VWCE: variants seen among roughly 807,000 people sequenced by gnomAD.
VWCE encodes the protein von Willebrand factor C and EGF domain-containing protein.
A neutral mutation model predicts 102.9 loss-of-function variants in VWCE; 68 were observed. That is an observed-to-expected ratio of 0.66 (90% CI 0.54 to 0.81). The LOEUF (loss-of-function observed/expected upper bound fraction) is 0.81, where lower values mean the gene tolerates loss of function less well. Ranked by LOEUF, VWCE falls within the 30% of genes least tolerant of loss-of-function variation. The pLI, the probability that VWCE is intolerant of heterozygous loss-of-function variation, is 0.00. For missense variants in VWCE, 1,137 were observed against 1,263.6 expected (o/e 0.90, Z 1.52); for synonymous variants, 497 against 515.4 (o/e 0.96, Z 0.48).
rs1205859312 is a variant in VWCE at position 61,278,495 on chromosome 11, A to C, written c.1325-19T>G. On this transcript the variant is annotated intron_variant, in intron 9 of 19. Coordinates refer to ENST00000335613, the MANE Select transcript of VWCE (RefSeq NM_152718.2). ...AAACAGCCTTTGAAGGACAAATAGG[A>C]GGTAGAGGCATCAGACCTCTTCAAA... is the stretch of plus-strand genomic sequence containing the variant. 1 of 1,612,792 alleles carries C rather than the reference A, an allele frequency of 6.2e-7. No homozygotes were observed. Among genetic ancestry groups the C allele is most frequent in the African/African-American group, 1.3e-5 (1 of 74,880 alleles).
At chr11:61,287,111 A>G (rs1855359859) in intron 4 of VWCE, among the ~76,000 whole-genome samples, 1 of 152,106 alleles carries the variant, frequency 6.6e-6, no homozygotes, top group Admixed American at 6.5e-5. Flanking sequence ...AAGAAAAAAA[A>G]AGAAAAGAAA....
chr11:61,281,841 G>A lies in VWCE; in HGVS notation c.732C>T (p.Phe244=), dbSNP rs772369865. 1.2e-6 allele frequency: 2 copies of A among 1,613,978 alleles called. No homozygotes were observed. The highest frequency in any genetic ancestry group is 1.7e-5 in the Admixed American group (1 of 60,020). The change falls in exon 7 of 20, where the codon TTC becomes TTT. Residue 244 remains phenylalanine (F), a synonymous_variant. Transcript: ENST00000335613. ...HHSCHNTVGS[F]LCTCRPGFRL... ...TGAAGCCAGGTCGGCATGTGCATAG[G>A]AAGCTGCCCACGGTGTTGTGGCAGG...
intron 4 of VWCE, among the ~76,000 whole-genome samples, chr11:61,289,902 A>G (rs1565231449): frequency 6.6e-6 from 1 of 152,224 alleles, no homozygotes; most frequent in South Asian, 2.1e-4. Flanking sequence ...TAAAACTCCA[A>G]AAAGGCTTTT....
chr11:61,281,785 C>G lies in VWCE; in HGVS notation c.787+1G>C. 6.2e-7 allele frequency: 1 copy of G among 1,610,916 alleles called. No homozygotes were observed. The highest frequency in any genetic ancestry group is 8.5e-7 in the Non-Finnish European group (1 of 1,178,170). On this transcript the variant is annotated splice_donor_variant, in intron 7 of 19. Coordinates refer to ENST00000335613, the MANE Select transcript of VWCE (RefSeq NM_152718.2). LOFTEE classifies it high-confidence loss of function. ...CCGGGATGGAGGGGCCTGGCGCTCA[C>G]CTTCACAGGACACGCGGTCAGCTCG...
chr11:61,264,781 T>C (rs1489326537), intron 18 of VWCE, among the ~76,000 whole-genome samples, 175 bp downstream of exon 18: 1 of 152,232 alleles, frequency 6.6e-6, no homozygotes, highest in South Asian at 2.1e-4. Context: ...CCCTCTGGAC[T>C]TCCACAGAGG....
Position 61,258,865 on chromosome 11 carries a change from G to T in VWCE, c.2678C>A (p.Thr893Asn), listed in dbSNP as rs770974269. The change falls in exon 20 of 20, where the codon ACC becomes AAC. Residue 893 changes from threonine to asparagine, a missense_variant. By Grantham distance (65) the Thr-to-Asn change is moderately conservative. This residue lies in a region of VWCE where 316 missense variants were observed against 319.3 expected (regional missense o/e 0.99). Transcript: ENST00000335613. The part of the protein sequence containing the change: ...IVSRWPPLPG[T>N]LLTEASALSM... ...AAGTGCTGAAGCTTCCGTCAGGAGGGTGCCAGGCAGAGGAGGCCACCTGGA... is the reference window on the plus strand; with the variant it reads ...AAGTGCTGAAGCTTCCGTCAGGAGGTTGCCAGGCAGAGGAGGCCACCTGGA... The T allele has an allele frequency of 1.0e-4, 158 of 1,518,544 alleles. No individual in the cohort carries two copies. Among genetic ancestry groups the T allele is most frequent in the Non-Finnish European group, 1.4e-4 (154 of 1,135,370 alleles). 94.1% of individuals were successfully genotyped at this position (1,518,544 alleles called of 1,614,324 possible). A position where few individuals can be genotyped will look rare whatever the true frequency, so the allele number is the denominator to read the frequency against.
intron 5 of VWCE, among the ~76,000 whole-genome samples, chr11:61,285,238 C>T (rs1855278358): frequency 6.6e-6 from 1 of 152,026 alleles, no homozygotes; most frequent in East Asian, 1.9e-4. Flanking sequence ...GGGCTAGCAC[C>T]ATGGCTTTTA....
rs767960746 is a variant in VWCE at position 61,286,430 on chromosome 11, T to C, written c.425A>G (p.Asp142Gly). The C allele has an allele frequency of 1.2e-5, 20 of 1,611,230 alleles. 1 individual carries two copies. Among genetic ancestry groups the C allele is most frequent in the East Asian group, 8.9e-5 (4 of 44,890 alleles). The change falls in exon 5 of 20, where the codon GAC becomes GGC. Residue 142 changes from aspartate (D) to glycine (G), a missense_variant and splice_region_variant. Physicochemically the swap from Asp to Gly is moderately conservative, Grantham distance 94. Around this residue, in one of 5 missense-constraint regions of VWCE, gnomAD observed 575 missense variants for 625.9 expected, o/e 0.92. Coordinates refer to ENST00000335613, the MANE Select transcript of VWCE (RefSeq NM_152718.2). ...GGAGGAGGTTACACATTCGTCAATG[T>C]CTGGAAAGACAGAAAGCACGTGTTT... The part of the protein sequence containing the change: ...TETAVGIRCT[D>G]IDECVTSSCE...
chr11:61,278,341 C>G, intron 10 of VWCE, 53 bp downstream of exon 10: 1 of 1,594,192 alleles, frequency 6.3e-7, no homozygotes, highest in Non-Finnish European at 8.6e-7. Context: ...CCTCTAAAAC[C>G]CCCAAAGGTT....
At position 61,276,689 on chromosome 11, in the gene VWCE, G is replaced by A. The variant is rs1854926166; in HGVS notation, c.1408-9C>T. The A allele has an allele frequency of 1.3e-6, 2 of 1,591,940 alleles. No individual in the cohort carries two copies. The highest frequency in any genetic ancestry group is 1.7e-6 in the Non-Finnish European group (2 of 1,169,698). On this transcript the variant is annotated splice_polypyrimidine_tract_variant and intron_variant, in intron 10 of 19. Transcript: ENST00000335613. ...CAGGACACGTTTCCAGCCTGAGGAGGAGGCAAGAGAGGGCACTGGGGGTGC... is the reference window on the plus strand; with the variant it reads ...CAGGACACGTTTCCAGCCTGAGGAGAAGGCAAGAGAGGGCACTGGGGGTGC...
Position 61,273,053 on chromosome 11 carries a change from AACT to A in VWCE, c.1699+143_1699+145del, listed in dbSNP as rs1565221575. The A allele has an allele frequency of 2.3e-5, 18 of 771,770 alleles. No individual in the cohort carries two copies. The African/African-American group carries it at 2.4e-4, about 10-fold the overall frequency. 47.8% of individuals were successfully genotyped at this position (771,770 alleles called of 1,614,324 possible). ...TACACACTCAGACACACTACACAAAAACTCACACTCATACACACGCACACAAAG... is the reference window on the plus strand; with the variant it reads ...TACACACTCAGACACACTACACAAAACACACTCATACACACGCACACAAAG... On this transcript the variant is annotated intron_variant, in intron 13 of 19. Coordinates refer to ENST00000335613, the MANE Select transcript of VWCE (RefSeq NM_152718.2).
Position 61,291,481 on chromosome 11 carries a change from C to A in VWCE, c.205+1G>T, listed in dbSNP as rs1283542159. ...CTTGGGGCACAGGGACAAGCACTTA[C>A]GCAGGGTGCAGTGCCCACCACCCAT... On this transcript the variant is annotated splice_donor_variant, in intron 2 of 19. Transcript: ENST00000335613. LOFTEE classifies it high-confidence loss of function. The A allele has an allele frequency of 1.3e-6, 2 of 1,555,812 alleles. No homozygotes were observed. Among genetic ancestry groups the A allele is most frequent in the African/African-American group, 1.4e-5 (1 of 73,498 alleles).
chr11:61,278,413 C>T lies in VWCE; in HGVS notation c.1388G>A (p.Cys463Tyr). 1.9e-6 allele frequency: 3 copies of T among 1,614,126 alleles called. No individual in the cohort carries two copies. Among genetic ancestry groups the T allele is most frequent in the Non-Finnish European group, 2.5e-6 (3 of 1,180,030 alleles). The change falls in exon 10 of 20, where the codon TGC becomes TAC. Residue 463 changes from cysteine (C) to tyrosine (Y), a missense_variant. This residue lies in a region of VWCE where 575 missense variants were observed against 625.9 expected (regional missense o/e 0.92). Transcript: ENST00000335613. Reference protein sequence around the residue: ...GDVFSPPNENCTVCVCLAGNV... With the variant: ...GDVFSPPNENYTVCVCLAGNV... ...GCTTACCAGACAGACACAGACGGTGCAGTTCTCATTGGGAGGTGAAAACAC... is the reference window on the plus strand; with the variant it reads ...GCTTACCAGACAGACACAGACGGTGTAGTTCTCATTGGGAGGTGAAAACAC...
chr11:61,268,993 C>T lies in VWCE; in HGVS notation c.1811G>A (p.Arg604Lys), dbSNP rs2134754427. Reference sequence around the variant, plus strand: ...AGGGCAGGAGTCCACACAGTCTGTCCTCTTGCAGCTCACCGAGCCATCTGC... The same window carrying T: ...AGGGCAGGAGTCCACACAGTCTGTCTTCTTGCAGCTCACCGAGCCATCTGC... ...CQADGSVSCKRTDCVDSCPHP... is the reference protein window; with the variant it reads ...CQADGSVSCKKTDCVDSCPHP... The change falls in exon 15 of 20, where the codon AGG becomes AAG. Residue 604 changes from arginine (R) to lysine (K), a missense_variant. This residue lies in a region of VWCE where 212 missense variants were observed against 235.1 expected (regional missense o/e 0.90). Coordinates refer to ENST00000335613, the MANE Select transcript of VWCE (RefSeq NM_152718.2). 1 of 1,614,086 alleles carries T rather than the reference C, an allele frequency of 6.2e-7. No homozygotes were observed. Among genetic ancestry groups the T allele is most frequent in the Non-Finnish European group, 8.5e-7 (1 of 1,180,038 alleles).
Position 61,268,958 on chromosome 11 carries a change from G to C in VWCE, c.1846C>G (p.Arg616Gly), listed in dbSNP as rs143584411. 22 of 1,614,016 alleles carry C rather than the reference G, an allele frequency of 1.4e-5. No individual in the cohort carries two copies. In the Admixed American group the frequency reaches 3.3e-4, roughly 24 times the overall value. ...DCVDSCPHPI[R>G]IPGQCCPDCS... ...TCTGGGCAGCACTGTCCAGGGATCCGGATCGGGTGAGGGCAGGAGTCCACA... is the reference window on the plus strand; with the variant it reads ...TCTGGGCAGCACTGTCCAGGGATCCCGATCGGGTGAGGGCAGGAGTCCACA... Residue 616 changes from arginine (R) to glycine (G), a missense_variant, in exon 15 of 20, where the codon CGG becomes GGG. Coordinates refer to ENST00000335613, the MANE Select transcript of VWCE (RefSeq NM_152718.2).
rs1434285349 is a variant in VWCE at position 61,294,105 on chromosome 11, C to T, written c.110+823G>A. Among the ~76,000 whole-genome samples, 1 of 152,156 alleles carries T rather than the reference C, an allele frequency of 6.6e-6. No individual in the cohort carries two copies. Among genetic ancestry groups the T allele is most frequent in the East Asian group, 1.9e-4 (1 of 5,182 alleles). ...CTCAGGTGGGCAGGGACCGAGCACC[C>T]GCCAGAGCGCCCTAAGGAGCCTCCT... is the stretch of plus-strand genomic sequence containing the variant. On this transcript the variant is annotated intron_variant, in intron 1 of 19. Transcript: ENST00000335613. The surrounding 1 kb of genome is among the most constrained non-coding windows in gnomAD (Gnocchi z 6.3).
chr11:61,280,612 AC>A lies in VWCE; in HGVS notation c.1324+11del. 2 of 1,613,738 alleles carry A rather than the reference AC, an allele frequency of 1.2e-6. No homozygotes were observed. Among genetic ancestry groups the A allele is most frequent in the Non-Finnish European group, 1.7e-6 (2 of 1,179,828 alleles). ...AGGCAGGACTATGTCCTTCCCTGGCACCAGCTCTCACCTGTGCACGATGGGC... is the reference window on the plus strand; with the variant it reads ...AGGCAGGACTATGTCCTTCCCTGGCACAGCTCTCACCTGTGCACGATGGGC... On this transcript the variant is annotated intron_variant, in intron 9 of 19. Transcript: ENST00000335613.
At chr11:61,268,695 T>C (rs1854583105) in intron 15 of VWCE, among the ~76,000 whole-genome samples, 1 of 152,258 alleles carries the variant, frequency 6.6e-6, no homozygotes, top group Non-Finnish European at 1.5e-5. Context: ...GTGCAGCTCC[T>C]GTACCACCCA....
chr11:61,270,691 C>T (rs547648386), intron 14 of VWCE, among the ~76,000 whole-genome samples: 1 of 152,282 alleles, frequency 6.6e-6, no homozygotes, highest in South Asian at 2.1e-4. Flanking sequence ...TTCACAGAAA[C>T]AGCCTGAACA....
Sources: gnomAD v4.1 joint callset for allele counts (sites outside exome capture counted in the v4.1 genomes callset) on GRCh38, gnomAD v4.1.1 for gene constraint, gnomAD v4.1.1 regional missense constraint, Gnocchi (gnomAD v3.1) non-coding constraint, MANE v1.5 for transcripts, NCBI Gene and HGNC (gene_info 2026-07-23, HGNC 2026-07-21) for gene names.